The following TNRC18 variants were observed in gnomAD, a reference collection of about 807,000 sequenced individuals.
The protein encoded by TNRC18 is trinucleotide repeat containing 18.
A neutral mutation model predicts 226.7 loss-of-function variants in TNRC18; 69 were observed. The ratio of observed to expected loss-of-function variants is 0.30; its 90% CI spans 0.25 to 0.37. The LOEUF (loss-of-function observed/expected upper bound fraction) is 0.37. Ranked by LOEUF, TNRC18 falls within the 10% of genes least tolerant of loss-of-function variation. TNRC18 has a pLI of 1.00. For synonymous variants in TNRC18, 2,449 were observed against 1,927.6 expected (o/e 1.27, Z -7.09); for missense variants, 4,754 against 4,256.6 (o/e 1.12, Z -3.25).
chr7:5,377,329 C>CCCCCCA lies in TNRC18; in HGVS notation c.2461+41_2461+42insTGGGGG. 8.2e-7 allele frequency: 1 copy of CCCCCCA among 1,220,704 alleles called. No homozygotes were observed. Among genetic ancestry groups the CCCCCCA allele is most frequent in the Non-Finnish European group, 1.1e-6 (1 of 875,888 alleles). The allele number at this position is 1,220,704 out of a possible 1,614,324, so 75.6% of individuals were successfully genotyped here. ...TGTCCTGCACCCGCCCCCTCCCACC[C>CCCCCCA]CTCCCTCAGAGAAGGGGAGAGACCC... On this transcript the variant is annotated intron_variant, in intron 7 of 29. Transcript: ENST00000430969. The surrounding 1 kb of genome is among the most constrained non-coding windows in gnomAD (Gnocchi z 5.8).
Position 5,346,754 on chromosome 7 carries a change from C to G in TNRC18, c.5471-944G>C, listed in dbSNP as rs566368314. ...CTCTGAGCCTCTATTTTCTCACCTG[C>G]AGCAAGGGGTGACCCTCCCAGCCCA... On this transcript the variant is annotated intron_variant, in intron 17 of 29. Coordinates refer to ENST00000430969, the MANE Select transcript of TNRC18 (RefSeq NM_001080495.3). Among the ~76,000 whole-genome samples the G allele has an allele frequency of 2.9e-4, 44 of 152,358 alleles. No individual in the cohort carries two copies. In the South Asian group the frequency reaches 8.5e-3, roughly 29 times the overall value.
intron 10 of TNRC18, among the ~76,000 whole-genome samples, chr7:5,373,269 A>G: frequency 6.6e-6 from 1 of 152,170 alleles, no homozygotes; most frequent in Non-Finnish European, 1.5e-5. Flanking sequence ...GGCTGCAGTG[A>G]GCTGTGATTG....
intron 19 of TNRC18, among the ~76,000 whole-genome samples, chr7:5,329,605 C>T (rs2128124354): frequency 7.4e-6 from 1 of 135,394 alleles, no homozygotes. Flanking sequence ...ACTGCTTGAA[C>T]CTGGGAGGCG....
Position 5,312,692 on chromosome 7 carries a change from G to C in TNRC18, c.8199C>G (p.Pro2733=). Residue 2733 remains proline (P), a synonymous_variant, in exon 27 of 30, where the codon CCC becomes CCG. Transcript: ENST00000430969. The surrounding 1 kb of genome is among the most constrained non-coding windows in gnomAD (Gnocchi z 6.3). ...GAGCCTTGGGCTGCAGAGGCTGTGT[G>C]GGCTGCGGAGGAGGCGCCTGGGGCT... is the stretch of plus-strand genomic sequence containing the variant. ...APQPQAPPPQ[P]TQPLQPKAQA... is the part of the protein sequence containing the mutation. The C allele has an allele frequency of 6.3e-7, 1 of 1,593,918 alleles. No homozygotes were observed. Among genetic ancestry groups the C allele is most frequent in the Non-Finnish European group, 8.5e-7 (1 of 1,170,988 alleles).
At chr7:5,320,705 G>A in intron 22 of TNRC18, 98 bp from the exon 23 acceptor site, 2 of 994,460 alleles carry the variant, frequency 2.0e-6, no homozygotes, top group East Asian at 2.6e-5. Flanking sequence ...CCACTGGGAG[G>A]TAACACCAGG....
intron 2 of TNRC18, among the ~76,000 whole-genome samples, chr7:5,406,757 A>G (rs1380133757): frequency 6.7e-6 from 1 of 150,068 alleles, no homozygotes; most frequent in Non-Finnish European, 1.5e-5. Flanking sequence ...AGACTGAGGC[A>G]GGAGAGTCAC....
At chr7:5,327,078 G>A (rs1254712571) in intron 19 of TNRC18, among the ~76,000 whole-genome samples, 6 of 152,158 alleles carry the variant, frequency 3.9e-5, no homozygotes, top group Non-Finnish European at 8.8e-5. Context: ...AGCCGACATC[G>A]TGCCACTGCA....
In TNRC18 at chr7:5,359,366, ATC is replaced by A. The variant is rs532054425; in HGVS notation, c.4833+30_4833+31del. 262 of 1,612,718 alleles carry A rather than the reference ATC, an allele frequency of 1.6e-4. 2 individuals are homozygous for A. In the South Asian group the frequency reaches 2.8e-3, roughly 17 times the overall value. On this transcript the variant is annotated intron_variant, in intron 15 of 29. Coordinates refer to ENST00000430969, the MANE Select transcript of TNRC18 (RefSeq NM_001080495.3). Reference sequence around the variant, plus strand: ...CACCCTCCAGACACCTCCCTGAAAGATCTCACACACCTGGAAGACTGGGTTAC... The same window carrying A: ...CACCCTCCAGACACCTCCCTGAAAGATCACACACCTGGAAGACTGGGTTAC...
At chr7:5,375,375 TC>T (rs1794559502) in intron 9 of TNRC18, among the ~76,000 whole-genome samples, 1 of 152,088 alleles carries the variant, frequency 6.6e-6, no homozygotes, top group Non-Finnish European at 1.5e-5. Context: ...CAGGCCGCTC[TC>T]CCGATTACTA....
chr7:5,409,371 C>G (rs2128217360), intron 2 of TNRC18, among the ~76,000 whole-genome samples: 1 of 151,298 alleles, frequency 6.6e-6, no homozygotes, highest in East Asian at 1.9e-4. Context: ...AAAAAGCAAA[C>G]TCAGGTTATA....
At chr7:5,344,937 C>A (rs563575683) in intron 18 of TNRC18, among the ~76,000 whole-genome samples, 1 of 152,200 alleles carries the variant, frequency 6.6e-6, no homozygotes, top group South Asian at 2.1e-4. Flanking sequence ...CAGCTGCCTG[C>A]CCAAGTGTGA....
intron 2 of TNRC18, among the ~76,000 whole-genome samples, chr7:5,415,815 G>A (rs779085642): frequency 1.3e-5 from 2 of 151,786 alleles, no homozygotes; most frequent in Non-Finnish European, 2.9e-5. Context: ...TTAAAAATAG[G>A]TCGAAGTTAA....
chr7:5,382,700 G>A (rs184606774), intron 5 of TNRC18, among the ~76,000 whole-genome samples: 7 of 152,234 alleles, frequency 4.6e-5, no homozygotes, highest in Non-Finnish European at 7.4e-5. Flanking sequence ...CACCCTAGAG[G>A]TGATGGGCCA....
At position 5,306,824 on chromosome 7, in the gene TNRC18, T is replaced by TA. The variant is rs1189384999; in HGVS notation, c.*1281dup. 8 of 151,452 alleles carry TA rather than the reference T, an allele frequency of 5.3e-5. No homozygotes were observed. The highest frequency in any genetic ancestry group is 4.4e-5 in the Non-Finnish European group (3 of 67,882). 9.4% of individuals were successfully genotyped at this position (151,452 alleles called of 1,614,324 possible). On this transcript the variant is annotated 3_prime_UTR_variant, in exon 30 of 30. Coordinates refer to ENST00000430969, the MANE Select transcript of TNRC18 (RefSeq NM_001080495.3). Reference sequence around the variant, plus strand: ...TCCAATTAAATCTTTTCTTTTTTTTTATGAAAAAAGATCACACAGAATTTG... The same window carrying TA: ...TCCAATTAAATCTTTTCTTTTTTTTTAATGAAAAAAGATCACACAGAATTTG...
intron 18 of TNRC18, among the ~76,000 whole-genome samples, chr7:5,344,048 G>A (rs968803404): frequency 2.6e-5 from 4 of 152,206 alleles, no homozygotes; most frequent in African/African-American, 9.6e-5. Flanking sequence ...TGAAAAAGGA[G>A]ACATCACTAC....
intron 16 of TNRC18, among the ~76,000 whole-genome samples, chr7:5,353,648 C>T (rs1273624791): frequency 6.6e-6 from 1 of 152,042 alleles, no homozygotes; most frequent in Admixed American, 6.6e-5. Flanking sequence ...GTTCTCGCTT[C>T]GACCTCCGTC....
At chr7:5,367,064 AAT>A (rs1481274394) in intron 11 of TNRC18, among the ~76,000 whole-genome samples, 3 of 152,156 alleles carry the variant, frequency 2.0e-5, no homozygotes, top group African/African-American at 4.8e-5. Context: ...CTGGTGTCCT[AAT>A]AGGGTGGAGA....
At position 5,332,740 on chromosome 7, in the gene TNRC18, G is replaced by C; in HGVS notation, c.6029C>G (p.Ala2010Gly). Residue 2010 changes from alanine to glycine, a missense_variant, in exon 19 of 30, where the codon GCT (alanine) becomes GGT (glycine). Ala to Gly is a moderately conservative substitution (Grantham distance 60, BLOSUM62 0). Coordinates refer to ENST00000430969, the MANE Select transcript of TNRC18 (RefSeq NM_001080495.3). ...CGCGGTGCTGACGGGCGCAGGTGCA[G>C]CAGCCGAGGCGTCGTGCAGGAAGAT... Reference protein sequence around the residue: ...ERIFLHDASAAAPAPVSTAPA... With the variant: ...ERIFLHDASAGAPAPVSTAPA... 6.6e-7 allele frequency: 1 copy of C among 1,522,002 alleles called. No homozygotes were observed. The highest frequency in any genetic ancestry group is 8.8e-7 in the Non-Finnish European group (1 of 1,140,140). 94.3% of individuals were successfully genotyped at this position (1,522,002 alleles called of 1,614,324 possible). A position where few individuals can be genotyped will look rare whatever the true frequency, so the allele number is the denominator to read the frequency against.
rs374632949 is a variant in TNRC18, at chr7:5,394,178, C to A, written c.343+262G>T. ...TGGAAGTGGGTGCGGAAGAGGGGGT[C>A]TCTGAGCTGAGCCGGAGGAGGACTG... On this transcript the variant is annotated intron_variant, in intron 3 of 29. Coordinates refer to ENST00000430969, the MANE Select transcript of TNRC18 (RefSeq NM_001080495.3). The surrounding 1 kb of genome is among the most constrained non-coding windows in gnomAD (Gnocchi z 4.5). 6.6e-6 allele frequency among the ~76,000 whole-genome samples: 1 copy of A among 152,116 alleles called. No individual in the cohort carries two copies. The highest frequency in any genetic ancestry group is 2.4e-5 in the African/African-American group (1 of 41,404).
Sources: gnomAD v4.1 joint callset for allele counts (sites outside exome capture counted in the v4.1 genomes callset) on GRCh38, gnomAD v4.1.1 for gene constraint, Gnocchi (gnomAD v3.1) non-coding constraint, MANE v1.5 for transcripts, NCBI Gene and HGNC (gene_info 2026-07-23, HGNC 2026-07-21) for gene names.